FRY: variants seen among roughly 807,000 people sequenced by gnomAD.
The protein encoded by FRY is protein furry homolog.
A neutral mutation model predicts 348.4 loss-of-function variants in FRY; 128 were observed. The observed-to-expected ratio is 0.37, with a 90% confidence interval of 0.32 to 0.43. The LOEUF is 0.43. FRY is among the 20% of genes least tolerant of loss of function. The pLI is 1.00. For synonymous variants in FRY, 1,370 were observed against 1,374.7 expected (o/e 1.00, Z 0.08); for missense variants, 2,736 against 3,695.2 (o/e 0.74, Z 6.73).
At chr13:32,218,900 T>A in intron 36 of FRY, 69 bp downstream of exon 36, 1 of 865,044 alleles carries the variant, frequency 1.2e-6, no homozygotes, top group Non-Finnish European at 2.0e-6. Context: ...ATGAGTGTTC[T>A]GATTGTTCTT....
rs1188622172 is a variant in FRY at position 32,291,484 on chromosome 13, C to T, written c.8580+1741C>T. ...GCAATGGCACAATCTCAGCTTACCGCAACCTCCGCCTCCCAGGTTCAAGCG... is the reference window on the plus strand; with the variant it reads ...GCAATGGCACAATCTCAGCTTACCGTAACCTCCGCCTCCCAGGTTCAAGCG... On this transcript the variant is annotated intron_variant, in intron 59 of 60. Coordinates refer to ENST00000542859, the MANE Select transcript of FRY (RefSeq NM_023037.3). 2.6e-5 allele frequency among the ~76,000 whole-genome samples: 4 copies of T among 151,634 alleles called. No individual in the cohort carries two copies. The East Asian group carries it at 7.7e-4, about 29-fold the overall frequency.
intron 1 of FRY, among the ~76,000 whole-genome samples, chr13:32,063,210 C>T (rs369733303): frequency 3.3e-5 from 5 of 152,308 alleles, no homozygotes; most frequent in Non-Finnish European, 2.9e-5. Context: ...CCCCCCACCA[C>T]GTCCAGTTTG....
At chr13:32,232,883 C>T (rs1181005912) in intron 41 of FRY, among the ~76,000 whole-genome samples, 1 of 152,158 alleles carries the variant, frequency 6.6e-6, no homozygotes, top group Non-Finnish European at 1.5e-5. Context: ...TTCTAGCCTT[C>T]AGGTTCATTG....
chr13:32,155,936 G>C (rs533087683), intron 15 of FRY, among the ~76,000 whole-genome samples: 1 of 152,170 alleles, frequency 6.6e-6, no homozygotes, highest in South Asian at 2.1e-4. Flanking sequence ...ACGTTTTTCA[G>C]TAAGTCTCCA....
chr13:32,094,549 A>T (rs573286428), intron 2 of FRY, among the ~76,000 whole-genome samples: 2 of 150,738 alleles, frequency 1.3e-5, no homozygotes, highest in East Asian at 2.0e-4. Flanking sequence ...ACATCCTTCT[A>T]CTCTGTGTCT....
intron 11 of FRY, among the ~76,000 whole-genome samples, chr13:32,140,369 C>A (rs1229391420): frequency 2.0e-5 from 3 of 152,092 alleles, no homozygotes; most frequent in African/African-American, 7.2e-5. Flanking sequence ...TTGGAGAAAC[C>A]AAAGTACAGA....
intron 4 of FRY, among the ~76,000 whole-genome samples, chr13:32,121,337 G>T (rs1402682751): frequency 6.6e-6 from 1 of 152,134 alleles, no homozygotes; most frequent in Non-Finnish European, 1.5e-5. Flanking sequence ...GTTCTTTATG[G>T]AATCTCCACA....
Position 32,078,915 on chromosome 13 carries a change from T to A in FRY, c.152T>A (p.Met51Lys). ...GTHREKGPPT[M>K]LPINVDPDSK... ...CACAGGGAGAAAGGGCCGCCAACCA[T>A]GCTACCCATCAATGTGGACCCAGAC... is the stretch of plus-strand genomic sequence containing the variant. The change falls in exon 2 of 61, where the codon ATG becomes AAG. Residue 51 changes from methionine (M) to lysine (K), a missense_variant. Physicochemically the swap from Met to Lys is moderately conservative, Grantham distance 95. Around this residue, in one of 9 missense-constraint regions of FRY, gnomAD observed 309 missense variants for 418.1 expected, o/e 0.74. Transcript: ENST00000542859. 6.2e-7 allele frequency: 1 copy of A among 1,614,058 alleles called. No individual in the cohort carries two copies. The highest frequency in any genetic ancestry group is 2.2e-5 in the East Asian group (1 of 44,880).
chr13:32,147,314 G>A lies in FRY; in HGVS notation c.1212G>A (p.Leu404=). 1.2e-6 allele frequency: 2 copies of A among 1,611,290 alleles called. No individual in the cohort carries two copies. The highest frequency in any genetic ancestry group is 1.7e-6 in the Non-Finnish European group (2 of 1,177,522). ...NKDPKMARVA[L]ESLYRLLWVY... ...ATCCCAAGATGGCTCGAGTTGCACT[G>A]GAATCTCTCTACAGATTACTTTGGG... The change falls in exon 12 of 61, where the codon CTG becomes CTA. Residue 404 remains leucine, a synonymous_variant. Coordinates refer to ENST00000542859, the MANE Select transcript of FRY (RefSeq NM_023037.3).
At chr13:32,141,520 A>G (rs1880070018) in intron 11 of FRY, among the ~76,000 whole-genome samples, 1 of 152,256 alleles carries the variant, frequency 6.6e-6, no homozygotes, top group African/African-American at 2.4e-5. Context: ...CTTAACATAC[A>G]TAAGAATTCC....
chr13:32,214,321 C>A (rs545681775), intron 35 of FRY, among the ~76,000 whole-genome samples: 1 of 152,222 alleles, frequency 6.6e-6, no homozygotes, highest in African/African-American at 2.4e-5. Context: ...AGAGAGACTG[C>A]GTATCTCTTA....
chr13:32,131,878 T>A, intron 8 of FRY, 38 bp downstream of exon 8: 1 of 1,491,966 alleles, frequency 6.7e-7, no homozygotes, highest in Non-Finnish European at 9.4e-7. Context: ...TGCTCTCAAC[T>A]TGAGCACTTC....
At chr13:32,292,393 G>A (rs925694213) in intron 59 of FRY, among the ~76,000 whole-genome samples, 6 of 152,224 alleles carry the variant, frequency 3.9e-5, no homozygotes, top group Admixed American at 3.9e-4. Context: ...ATAGAGCAGT[G>A]ACAGAGTTTA....
At chr13:32,054,508 G>A (rs1222599649) in intron 1 of FRY, among the ~76,000 whole-genome samples, 7 of 152,120 alleles carry the variant, frequency 4.6e-5, no homozygotes, top group African/African-American at 1.4e-4. Context: ...TATCAAGTAC[G>A]TAGATTTCTG....
intron 11 of FRY, among the ~76,000 whole-genome samples, chr13:32,137,314 T>C (rs1297380050): frequency 6.6e-6 from 1 of 152,204 alleles, no homozygotes; most frequent in East Asian, 1.9e-4. Flanking sequence ...AATAGAAGCA[T>C]GTGAATTGAT....
chr13:32,211,877 C>A (rs1282244177), intron 34 of FRY, among the ~76,000 whole-genome samples: 3 of 152,148 alleles, frequency 2.0e-5, no homozygotes, highest in African/African-American at 7.2e-5. Context: ...GAGCAGTGTT[C>A]TTACAGGGAA....
intron 2 of FRY, among the ~76,000 whole-genome samples, chr13:32,098,767 A>G (rs754262383): frequency 2.7e-4 from 41 of 151,942 alleles, no homozygotes; most frequent in Non-Finnish European, 5.3e-4. Context: ...CGCATTGTGA[A>G]CCCTCAGTCA....
At chr13:32,204,604 C>T (rs1176186667) in intron 31 of FRY, among the ~76,000 whole-genome samples, 1 of 152,194 alleles carries the variant, frequency 6.6e-6, no homozygotes, top group Non-Finnish European at 1.5e-5. Flanking sequence ...ATGGCCCTCA[C>T]CCCTTCTTCC....
chr13:32,271,122 C>T (rs1405009418), intron 55 of FRY, among the ~76,000 whole-genome samples: 1 of 152,116 alleles, frequency 6.6e-6, no homozygotes, highest in Non-Finnish European at 1.5e-5. Context: ...ACCTGGCAAC[C>T]CACCAGTTGA....
Sources: gnomAD v4.1 joint callset for allele counts (sites outside exome capture counted in the v4.1 genomes callset) on GRCh38, gnomAD v4.1.1 for gene constraint, gnomAD v4.1.1 regional missense constraint, MANE v1.5 for transcripts, NCBI Gene and HGNC (gene_info 2026-07-23, HGNC 2026-07-21) for gene names.